DACH2: variants seen among roughly 807,000 people sequenced by gnomAD.
The protein encoded by DACH2 is dachshund homolog 2.
A neutral mutation model predicts 35.8 loss-of-function variants in DACH2; 17 were observed. The observed-to-expected ratio is 0.48, with a 90% CI of 0.33 to 0.71. The LOEUF is 0.71. Ranked by LOEUF, DACH2 falls within the 30% of genes least tolerant of loss-of-function variation. The probability of loss-of-function intolerance (pLI) is 0.02; values close to 1 mark genes in which losing one functional copy is unlikely to be tolerated. For synonymous variants in DACH2, 195 were observed against 177.3 expected (o/e 1.10, Z -0.79); for missense variants, 469 against 472.7 (o/e 0.99, Z 0.07).
chrX:86,782,966 A>G (rs974045072), intron 7 of DACH2, among the ~76,000 whole-genome samples: 11 of 111,896 alleles, frequency 9.8e-5, no homozygotes, highest in Admixed American at 5.7e-4. Flanking sequence ...CAATCAAAAA[A>G]GTGAAGCGAC....
intron 7 of DACH2, among the ~76,000 whole-genome samples, chrX:86,741,007 ATCT>A (rs2041649444): frequency 9.0e-6 from 1 of 111,687 alleles, no homozygotes; most frequent in South Asian, 3.7e-4. Flanking sequence ...ATATTTGTTG[ATCT>A]TCTATACCTA....
chrX:86,830,961 GA>G (rs1326947589), intron 11 of DACH2: 2 of 111,263 alleles, frequency 1.8e-5, no homozygotes, highest in Non-Finnish European at 3.8e-5. Context: ...CTGGTCCCTG[GA>G]AAAGTTTAAG....
intron 1 of DACH2, among the ~76,000 whole-genome samples, chrX:86,298,935 CTG>C (rs2034520452): frequency 8.9e-6 from 1 of 111,868 alleles, no homozygotes; most frequent in Non-Finnish European, 1.9e-5. Context: ...GACTGTGAAA[CTG>C]TGCTGTTGAA....
chrX:86,723,566 G>T (rs1448525570), intron 6 of DACH2, among the ~76,000 whole-genome samples: 1 of 111,747 alleles, frequency 8.9e-6, no homozygotes, highest in African/African-American at 3.2e-5. Flanking sequence ...GATTGCTCAA[G>T]AGCATGTTGT....
At chrX:86,814,031 T>C (rs1024931230) in intron 9 of DACH2, among the ~76,000 whole-genome samples, 2 of 111,419 alleles carry the variant, frequency 1.8e-5, no homozygotes, top group African/African-American at 6.5e-5. Flanking sequence ...ATTATAATCT[T>C]ATGGAACCAC....
chrX:86,773,434 T>G (rs868450169), intron 7 of DACH2, among the ~76,000 whole-genome samples: 1 of 112,077 alleles, frequency 8.9e-6, no homozygotes, highest in African/African-American at 3.2e-5. Context: ...AAGACTATTT[T>G]ATATATAATG....
chrX:86,694,910 T>C, intron 4 of DACH2, 111 bp from the exon 5 acceptor site: 1 of 546,219 alleles, frequency 1.8e-6, no homozygotes, highest in South Asian at 8.8e-5. Context: ...CTGTGTTCAA[T>C]AATAATTTCC....
chrX:86,281,177 A>G (rs2147983981), intron 1 of DACH2, among the ~76,000 whole-genome samples: 1 of 111,561 alleles, frequency 9.0e-6, no homozygotes, highest in African/African-American at 3.3e-5. Context: ...CACTTATTCT[A>G]AAATTGAACA....
chrX:86,441,479 CTGTGTGTG>C (rs61396163), intron 2 of DACH2, among the ~76,000 whole-genome samples: 6,631 of 95,384 alleles, frequency 0.07, 569 homozygotes, highest in African/African-American at 0.23. Context: ...AAGTATTCCA[CTGTGTGTG>C]TGTGTGTGTG....
intron 2 of DACH2, among the ~76,000 whole-genome samples, chrX:86,447,146 G>GT (rs1429953956): frequency 1.3e-4 from 13 of 99,809 alleles, no homozygotes; most frequent in Non-Finnish European, 2.4e-4. Context: ...GGGGTTTTTT[G>GT]TTTTTTTCTT....
At chrX:86,698,822 C>G (rs1198448303) in intron 5 of DACH2, among the ~76,000 whole-genome samples, 1 of 110,090 alleles carries the variant, frequency 9.1e-6, no homozygotes, top group Non-Finnish European at 1.9e-5. Context: ...AGGCATGAGC[C>G]ACCGTGCCCA....
intron 1 of DACH2, among the ~76,000 whole-genome samples, chrX:86,278,693 A>G (rs1343891596): frequency 8.9e-6 from 1 of 111,837 alleles, no homozygotes; most frequent in African/African-American, 3.3e-5. Context: ...GCGAGACAGA[A>G]CTGTTCATTC....
At chrX:86,163,984 C>T (rs2030856458) in intron 1 of DACH2, among the ~76,000 whole-genome samples, 1 of 111,751 alleles carries the variant, frequency 8.9e-6, no homozygotes, top group Admixed American at 9.5e-5. Flanking sequence ...CTGCTTTTCG[C>T]TCTTTGAGGA....
intron 3 of DACH2, among the ~76,000 whole-genome samples, chrX:86,539,015 A>G (rs938599064): frequency 5.4e-5 from 6 of 111,169 alleles, no homozygotes; most frequent in Non-Finnish European, 3.8e-5. Flanking sequence ...TGAGAGTATA[A>G]TGAGTGCAAA....
chrX:86,732,062 A>G (rs1377387386), intron 6 of DACH2, among the ~76,000 whole-genome samples: 1 of 112,288 alleles, frequency 8.9e-6, no homozygotes, highest in African/African-American at 3.2e-5. Context: ...ATTTGTGGCT[A>G]CTATATTAGA....
chrX:86,326,572 C>T (rs1004555732), intron 1 of DACH2, among the ~76,000 whole-genome samples: 2 of 108,693 alleles, frequency 1.8e-5, no homozygotes, highest in African/African-American at 3.4e-5. Flanking sequence ...GGTATATATG[C>T]AGTTTTGTTG....
intron 2 of DACH2, among the ~76,000 whole-genome samples, chrX:86,396,307 G>C (rs1449987547): frequency 4.1e-5 from 4 of 98,507 alleles, no homozygotes; most frequent in Non-Finnish European, 6.1e-5. Context: ...CAGATGAGTA[G>C]GTTGTGAAAA....
intron 4 of DACH2, among the ~76,000 whole-genome samples, chrX:86,689,329 T>C (rs2148439956): frequency 9.0e-6 from 1 of 111,368 alleles, no homozygotes; most frequent in South Asian, 3.8e-4. Flanking sequence ...CCTTTACACA[T>C]ACATGCCTCG....
intron 1 of DACH2, among the ~76,000 whole-genome samples, chrX:86,358,730 GAAAA>G (rs11300879): frequency 4.0e-4 from 43 of 107,376 alleles, no homozygotes; most frequent in African/African-American, 1.2e-3. Flanking sequence ...ATTGGTAAAA[GAAAA>G]AAAAAATTCT....
Sources: allele counts gnomAD v4.1 joint callset (sites outside exome capture counted in the v4.1 genomes callset), GRCh38; gene constraint gnomAD v4.1.1; transcripts MANE v1.5; gene names NCBI Gene and HGNC (gene_info 2026-07-23, HGNC 2026-07-21).